Variants in MAP3K13 observed in about 807,000 individuals in gnomAD.
The protein encoded by MAP3K13 is mitogen-activated protein kinase kinase kinase 13.
A neutral mutation model predicts 104.0 loss-of-function variants in MAP3K13; 52 were observed. That is an observed-to-expected ratio of 0.50 (90% confidence interval 0.40 to 0.63). MAP3K13 has a LOEUF of 0.63. Among genes scored for constraint, MAP3K13 ranks in the 20% least tolerant of loss-of-function variants. The pLI is 0.00. For missense variants in MAP3K13, 914 were observed against 1,218.5 expected (o/e 0.75, Z 3.72); for synonymous variants, 394 against 442.2 (o/e 0.89, Z 1.37).
chr3:185,308,860 T>C (rs1721397449), intron 2 of MAP3K13, among the ~76,000 whole-genome samples: 1 of 152,224 alleles, frequency 6.6e-6, no homozygotes, highest in East Asian at 1.9e-4. Flanking sequence ...TTTTCTTGCC[T>C]GTTTCAATGT....
chr3:185,364,485 G>A (rs1040015453), intron 1 of MAP3K13, among the ~76,000 whole-genome samples: 3 of 152,134 alleles, frequency 2.0e-5, no homozygotes, highest in African/African-American at 7.2e-5. Flanking sequence ...TTATAATCCA[G>A]GCTGCCATGT....
chr3:185,333,111 T>A (rs761789151), intron 2 of MAP3K13, among the ~76,000 whole-genome samples: 5 of 152,202 alleles, frequency 3.3e-5, no homozygotes, highest in Non-Finnish European at 7.3e-5. Context: ...GTAATGGAAT[T>A]TTTTTCCTAT....
intron 2 of MAP3K13, among the ~76,000 whole-genome samples, chr3:185,342,872 G>T (rs940691921): frequency 2.0e-5 from 3 of 152,184 alleles, no homozygotes; most frequent in Admixed American, 2.0e-4. Flanking sequence ...TTCAGTCAGG[G>T]CTGCGTTCTC....
chr3:185,452,493 T>C (rs1034856709), intron 7 of MAP3K13, among the ~76,000 whole-genome samples: 3 of 152,162 alleles, frequency 2.0e-5, no homozygotes, highest in Non-Finnish European at 4.4e-5. Flanking sequence ...TGCCTCGGCC[T>C]CCCAAACTGC....
intron 2 of MAP3K13, among the ~76,000 whole-genome samples, chr3:185,321,344 A>T (rs1238530800): frequency 6.6e-6 from 1 of 152,242 alleles, no homozygotes; most frequent in African/African-American, 2.4e-5. Flanking sequence ...TGCATATTCA[A>T]CACTATCAAA....
chr3:185,451,861 C>A (rs1452613432), intron 7 of MAP3K13, among the ~76,000 whole-genome samples: 3 of 145,820 alleles, frequency 2.1e-5, no homozygotes, highest in African/African-American at 7.6e-5. Context: ...GAGCAAAACA[C>A]CGCCTCAAAA....
At chr3:185,387,894 T>C (rs552472184) in intron 1 of MAP3K13, among the ~76,000 whole-genome samples, 3 of 152,260 alleles carry the variant, frequency 2.0e-5, no homozygotes, top group African/African-American at 7.2e-5. Flanking sequence ...GCAGATAACA[T>C]GCTCTTATAT....
At chr3:185,449,372 A>T (rs1270163362) in intron 5 of MAP3K13, among the ~76,000 whole-genome samples, 8 of 78,286 alleles carry the variant, frequency 1.0e-4, no homozygotes, top group Admixed American at 9.8e-4. Flanking sequence ...GATGCTGTCT[A>T]AAAAAAAAAA....
chr3:185,461,381 A>AT (rs1212946819), intron 7 of MAP3K13, among the ~76,000 whole-genome samples: 1 of 152,122 alleles, frequency 6.6e-6, no homozygotes, highest in African/African-American at 2.4e-5. Context: ...TAGAATGATC[A>AT]TTTTTTGCAT....
At chr3:185,338,900 TAAC>T (rs1461075806) in intron 2 of MAP3K13, among the ~76,000 whole-genome samples, 2 of 152,052 alleles carry the variant, frequency 1.3e-5, no homozygotes, top group African/African-American at 2.4e-5. Context: ...GCAAAAATAA[TAAC>T]AATGTATAAT....
intron 2 of MAP3K13, among the ~76,000 whole-genome samples, chr3:185,331,724 C>A (rs1249391279): frequency 6.6e-6 from 1 of 152,174 alleles, no homozygotes; most frequent in East Asian, 1.9e-4. Context: ...AACATATCAA[C>A]TTCCCACTCC....
Position 185,454,725 on chromosome 3 carries a change from G to GATATATATATC in MAP3K13, c.1278+3338_1278+3339insATCATATATAT, listed in dbSNP as rs1275540316. Among the ~76,000 whole-genome samples, 9 of 20,308 alleles carry GATATATATATC rather than the reference G, an allele frequency of 4.4e-4. 3 individuals are homozygous for GATATATATATC. Among genetic ancestry groups the GATATATATATC allele is most frequent in the Admixed American group, 3.6e-3 (4 of 1,102 alleles). 13.3% of individuals were successfully genotyped at this position (20,308 alleles called of 152,430 possible). Reference sequence around the variant, plus strand: ...TATATATCATATATGAGATATATATGATATATATGATATATATATCATATA... The same window carrying GATATATATATC: ...TATATATCATATATGAGATATATATGATATATATATCATATATATGATATATATATCATATA... On this transcript the variant is annotated intron_variant, in intron 7 of 13. Transcript: ENST00000265026.
chr3:185,379,183 T>C (rs1306413463), intron 1 of MAP3K13, among the ~76,000 whole-genome samples: 2 of 152,226 alleles, frequency 1.3e-5, no homozygotes, highest in East Asian at 3.9e-4. Context: ...CAGGCGTCCC[T>C]GCGGAGATCA....
chr3:185,437,183 A>G (rs2148888967), intron 2 of MAP3K13, among the ~76,000 whole-genome samples: 1 of 151,972 alleles, frequency 6.6e-6, no homozygotes, highest in East Asian at 1.9e-4. Flanking sequence ...GGACTGCAGG[A>G]GTGGTAGGAT....
intron 7 of MAP3K13, among the ~76,000 whole-genome samples, chr3:185,452,475 G>A (rs1200858368): frequency 1.3e-5 from 2 of 152,086 alleles, no homozygotes; most frequent in African/African-American, 2.4e-5. Context: ...GGGCTCAAGC[G>A]ATCTCCCTGC....
intron 2 of MAP3K13, among the ~76,000 whole-genome samples, chr3:185,338,674 A>C (rs1722602992): frequency 6.6e-6 from 1 of 151,930 alleles, no homozygotes; most frequent in Admixed American, 6.6e-5. Flanking sequence ...TATTTCTAGC[A>C]TTTCTTCTTG....
At chr3:185,347,918 A>T (rs1722992209) in intron 2 of MAP3K13, among the ~76,000 whole-genome samples, 2 of 151,316 alleles carry the variant, frequency 1.3e-5, no homozygotes, top group Non-Finnish European at 2.9e-5. Context: ...AGGCTGAGGC[A>T]GGAGAATTGC....
intron 2 of MAP3K13, among the ~76,000 whole-genome samples, chr3:185,307,886 A>G (rs1343541301): frequency 6.6e-6 from 1 of 151,410 alleles, no homozygotes; most frequent in African/African-American, 2.4e-5. Flanking sequence ...CATTTTGTTC[A>G]TGTATCATTT....
intron 2 of MAP3K13, among the ~76,000 whole-genome samples, chr3:185,316,416 A>G (rs1721675621): frequency 6.6e-6 from 1 of 152,146 alleles, no homozygotes; most frequent in South Asian, 2.1e-4. Flanking sequence ...TGAGGTGTGC[A>G]AGTCACTTGA....
Sources: gnomAD v4.1 joint callset for allele counts (sites outside exome capture counted in the v4.1 genomes callset) on GRCh38, gnomAD v4.1.1 for gene constraint, MANE v1.5 for transcripts, NCBI Gene and HGNC (gene_info 2026-07-23, HGNC 2026-07-21) for gene names.